The following ALOXE3 variants were observed in gnomAD, a reference collection of about 807,000 sequenced individuals.
ALOXE3 encodes hydroperoxide isomerase ALOXE3.
Under a neutral mutation model 87.5 loss-of-function variants are expected in ALOXE3, and 78 were observed. That is an observed-to-expected ratio of 0.89 (90% CI 0.74 to 1.08). ALOXE3 has a LOEUF of 1.08. ALOXE3 is among the 50% of genes least tolerant of loss of function. ALOXE3 has a pLI of 0.00. For synonymous variants in ALOXE3, 363 were observed against 370.8 expected (o/e 0.98, Z 0.24); for missense variants, 946 against 912.4 (o/e 1.04, Z -0.47).
At position 8,116,847 on chromosome 17, in the gene ALOXE3, C is replaced by T. The variant is rs765612092; in HGVS notation, c.281G>A (p.Gly94Asp). The T allele has an allele frequency of 1.9e-6, 3 of 1,614,110 alleles. No homozygotes were observed. The East Asian group carries it at 6.7e-5, about 36-fold the overall frequency. ...ATAGCAGGGGAAGTGGGATACACTACCATCCGGTTCGGTGACACAGATGCG... is the reference window on the plus strand; with the variant it reads ...ATAGCAGGGGAAGTGGGATACACTATCATCCGGTTCGGTGACACAGATGCG... ...CSRICVTEPD[G>D]SVSHFPCYQW... The change falls in exon 3 of 16, where the codon GGT (glycine) becomes GAT (aspartate). Residue 94 changes from glycine (G) to aspartate (D), a missense_variant. Transcript: ENST00000448843.
At chr17:8,115,396 A>G (rs1188757755) in intron 4 of ALOXE3, among the ~76,000 whole-genome samples, 1 of 152,158 alleles carries the variant, frequency 6.6e-6, no homozygotes, top group African/African-American at 2.4e-5. Flanking sequence ...AGGGCTGAGT[A>G]TGGATTCATT....
At chr17:8,117,001 AG>A (rs781776320) in intron 2 of ALOXE3, 21 bp from the exon 3 acceptor site, 9 of 1,609,574 alleles carry the variant, frequency 5.6e-6, no homozygotes, top group Non-Finnish European at 7.6e-6. Context: ...CAAGACAGCA[AG>A]CAGGTGAGAG....
chr17:8,105,914 CAAAAAAAAAAA>C (rs1164518718), intron 13 of ALOXE3, among the ~76,000 whole-genome samples: 3 of 43,150 alleles, frequency 7.0e-5, no homozygotes, highest in African/African-American at 9.3e-5. Context: ...GACCCCGCCT[CAAAAAAAAAAA>C]AAAAAAAAAA....
chr17:8,111,001 C>T (rs1980026399), intron 8 of ALOXE3, among the ~76,000 whole-genome samples: 2 of 152,216 alleles, frequency 1.3e-5, no homozygotes, highest in Admixed American at 1.3e-4. Flanking sequence ...TTCCCTGATG[C>T]ATCTGGTGGC....
At chr17:8,109,464 C>T (rs1054018314) in intron 11 of ALOXE3, 121 bp from the exon 12 acceptor site, 4 of 1,356,918 alleles carry the variant, frequency 2.9e-6, no homozygotes, top group African/African-American at 2.9e-5. Flanking sequence ...AAGCAATCCA[C>T]GGATCAAATA....
chr17:8,099,811 T>C (rs1346458952), intron 15 of ALOXE3, among the ~76,000 whole-genome samples: 1 of 152,118 alleles, frequency 6.6e-6, no homozygotes, highest in African/African-American at 2.4e-5. Context: ...GGCTCACACC[T>C]ATAATCCCAG....
At chr17:8,112,731 C>G (rs1395243237) in intron 6 of ALOXE3, among the ~76,000 whole-genome samples, 1 of 152,172 alleles carries the variant, frequency 6.6e-6, no homozygotes, top group Non-Finnish European at 1.5e-5. Context: ...GAGATGCATA[C>G]TCTTCACTTT....
intron 13 of ALOXE3, among the ~76,000 whole-genome samples, chr17:8,107,838 A>AGGTTGGTGGCTGG (rs1567996043): frequency 0.048 from 256 of 5,292 alleles, 3 homozygotes; most frequent in Middle Eastern, 0.1. Flanking sequence ...AGAAAGAAAG[A>AGGTTGGTGGCTGG]AAGAAAGAAA....
intron 12 of ALOXE3, 85 bp downstream of exon 12, chr17:8,109,089 C>A: frequency 6.4e-7 from 1 of 1,570,828 alleles, no homozygotes. Context: ...CACCTGAAAT[C>A]CCCAGGCGCC....
chr17:8,097,849 G>C (rs1394492419), intron 15 of ALOXE3, among the ~76,000 whole-genome samples: 1 of 150,430 alleles, frequency 6.6e-6, no homozygotes, highest in South Asian at 2.1e-4. Flanking sequence ...CCGGGTTCAC[G>C]CTATTCTCCT....
At chr17:8,114,407 G>T in intron 6 of ALOXE3, 77 bp downstream of exon 6, 4 of 1,601,536 alleles carry the variant, frequency 2.5e-6, no homozygotes, top group Non-Finnish European at 3.4e-6. Flanking sequence ...ATAGGGAGAA[G>T]GGGCAGTCTG....
chr17:8,113,596 T>C (rs530930800), intron 6 of ALOXE3, among the ~76,000 whole-genome samples: 1 of 152,124 alleles, frequency 6.6e-6, no homozygotes, highest in South Asian at 2.1e-4. Context: ...GAGACTGCAG[T>C]GAGCCAAGAT....
At chr17:8,115,196 C>T (rs1980479683) in intron 4 of ALOXE3, 139 bp from the exon 5 acceptor site, 1 of 1,216,916 alleles carries the variant, frequency 8.2e-7, no homozygotes, top group Non-Finnish European at 1.2e-6. Flanking sequence ...GACATTTCTC[C>T]ATGAAAGCAC....
At chr17:8,107,517 G>A (rs565762540) in intron 13 of ALOXE3, among the ~76,000 whole-genome samples, 3 of 151,246 alleles carry the variant, frequency 2.0e-5, no homozygotes, top group African/African-American at 4.9e-5. Context: ...ACTCTGTCTC[G>A]CACCAGGCGA....
chr17:8,108,589 G>T lies in ALOXE3; in HGVS notation c.1563C>A (p.Ser521Arg), dbSNP rs1488041339. ...AGTAGCCCACGATTTCTGAGACAAA[G>T]CTGCAGGAAAGAGATGCTGGTACCA... ...DGLKIWAAIE[S>R]FVSEIVGYYY... The change falls in exon 13 of 16, where the codon AGC (serine) becomes AGA (arginine). Residue 521 changes from serine to arginine, a missense_variant and splice_region_variant. Physicochemically the swap from Ser to Arg is moderately radical, Grantham distance 110. Transcript: ENST00000448843. 6.2e-7 allele frequency: 1 copy of T among 1,611,068 alleles called. No homozygotes were observed. Among genetic ancestry groups the T allele is most frequent in the Admixed American group, 1.7e-5 (1 of 59,950 alleles).
rs1376425319 is a variant in ALOXE3 at position 8,109,934 on chromosome 17, G to A, written c.1374C>T (p.Pro458=). The change falls in exon 11 of 16, where the codon CCC becomes CCT. Residue 458 remains proline (P), a synonymous_variant. Transcript: ENST00000448843. ...GCCGCACCTGGTCCACGAGGCCCTC[G>A]GGGTTGAGCAGCGTGGCCCTCGCGA... The part of the protein sequence containing the change: ...NTIARATLLN[P]EGLVDQVTSI... 1.0e-5 allele frequency: 16 copies of A among 1,550,888 alleles called. No homozygotes were observed. Among genetic ancestry groups the A allele is most frequent in the Non-Finnish European group, 1.3e-5 (15 of 1,146,656 alleles).
At chr17:8,111,123 C>A (rs981727574) in intron 8 of ALOXE3, among the ~76,000 whole-genome samples, 17 of 152,206 alleles carry the variant, frequency 1.1e-4, no homozygotes, top group Admixed American at 4.6e-4. Flanking sequence ...CCACCCTGCG[C>A]GTTCACACCA....
chr17:8,114,192 C>T (rs1437034703), intron 6 of ALOXE3, among the ~76,000 whole-genome samples: 2 of 151,598 alleles, frequency 1.3e-5, no homozygotes, highest in East Asian at 3.9e-4. Context: ...CAATTAACAC[C>T]CAGTGGGTGG....
At chr17:8,112,601 A>G (rs991591998) in intron 6 of ALOXE3, among the ~76,000 whole-genome samples, 5 of 151,996 alleles carry the variant, frequency 3.3e-5, no homozygotes, top group Admixed American at 2.6e-4. Flanking sequence ...GCTTCTACCA[A>G]CCTTTCCAGT....
Sources: allele counts gnomAD v4.1 joint callset (sites outside exome capture counted in the v4.1 genomes callset), GRCh38; gene constraint gnomAD v4.1.1; transcripts MANE v1.5; gene names NCBI Gene and HGNC (gene_info 2026-07-23, HGNC 2026-07-21).